Variants in HORMAD2 observed in about 807,000 individuals in gnomAD.
The protein encoded by HORMAD2 is HORMA domain-containing protein 2.
Under a neutral mutation model 38.8 loss-of-function variants are expected in HORMAD2, and 45 were observed. That is an observed-to-expected ratio of 1.16 (90% CI 0.91 to 1.49). HORMAD2 has a LOEUF of 1.49. Ranked by LOEUF, HORMAD2 falls within the 40% of genes most tolerant of loss-of-function variation. The pLI, the probability that HORMAD2 is intolerant of heterozygous loss-of-function variation, is 0.00. For missense variants in HORMAD2, 338 were observed against 367.0 expected (o/e 0.92, Z 0.65); for synonymous variants, 126 against 122.8 (o/e 1.03, Z -0.17).
chr22:30,162,587 T>A (rs1925515161), intron 10 of HORMAD2, among the ~76,000 whole-genome samples: 1 of 152,198 alleles, frequency 6.6e-6, no homozygotes, highest in South Asian at 2.1e-4. Flanking sequence ...TCTTACTTTT[T>A]AAAATATGGT....
Position 30,098,983 on chromosome 22 carries a change from C to T in HORMAD2, c.183C>T (p.Arg61=), listed in dbSNP as rs1255333085. 5 of 1,606,992 alleles carry T rather than the reference C, an allele frequency of 3.1e-6. No individual in the cohort carries two copies. The highest frequency in any genetic ancestry group is 4.2e-6 in the Non-Finnish European group (5 of 1,176,966). Residue 61 remains arginine (R), a synonymous_variant, in exon 3 of 11, where the codon CGC becomes CGT. Coordinates refer to ENST00000336726, the MANE Select transcript of HORMAD2 (RefSeq NM_152510.4). ...TTCCAGAGAGCTCTTATGGAGAACG[C>T]CATTTGGATGGTAAAGTTAAACTAA... is the stretch of plus-strand genomic sequence containing the variant. ...GLFPESSYGE[R]HLDDLSLKIL... is the part of the protein sequence containing the mutation.
chr22:30,161,187 G>A (rs1404209839), intron 10 of HORMAD2, among the ~76,000 whole-genome samples: 1 of 152,194 alleles, frequency 6.6e-6, no homozygotes, highest in African/African-American at 2.4e-5. Context: ...TGCACCAATA[G>A]AGATCTTCCA....
At chr22:30,160,232 C>T (rs1382995801) in intron 10 of HORMAD2, among the ~76,000 whole-genome samples, 1 of 151,684 alleles carries the variant, frequency 6.6e-6, no homozygotes, top group African/African-American at 2.4e-5. Flanking sequence ...GAATCTTCTG[C>T]TTGTCTGACC....
chr22:30,179,854 A>C (rs1926627425), downstream of HORMAD2, among the ~76,000 whole-genome samples: 1 of 152,112 alleles, frequency 6.6e-6, no homozygotes, highest in South Asian at 2.1e-4. Flanking sequence ...GTTATCCCAG[A>C]TCCTTTAGTA....
intron 10 of HORMAD2, among the ~76,000 whole-genome samples, chr22:30,134,416 T>TAAA (rs1923511344): frequency 6.8e-6 from 1 of 147,574 alleles, no homozygotes; most frequent in Admixed American, 6.8e-5. Flanking sequence ...AATATATATA[T>TAAA]TTATGATTAT....
intron 10 of HORMAD2, among the ~76,000 whole-genome samples, chr22:30,171,784 A>C (rs1341954927): frequency 2.0e-5 from 3 of 152,230 alleles, no homozygotes; most frequent in Non-Finnish European, 4.4e-5. Flanking sequence ...GGATGGAGAG[A>C]ATTTCTCTGA....
At chr22:30,166,164 A>G (rs1264598788) in intron 10 of HORMAD2, among the ~76,000 whole-genome samples, 1 of 152,050 alleles carries the variant, frequency 6.6e-6, no homozygotes, top group African/African-American at 2.4e-5. Context: ...TATTTGATGA[A>G]TTAATCTTGG....
chr22:30,201,679 A>G, the HORMAD2 span, among the ~76,000 whole-genome samples: 138,809 of 152,088 alleles, frequency 0.91, 63,431 homozygotes, highest in East Asian at 1. Flanking sequence ...GCCTCCCAAA[A>G]TGCTGGGATT....
At chr22:30,104,266 A>T (rs1403654443) in intron 4 of HORMAD2, 135 bp from the exon 5 acceptor site, 1 of 704,018 alleles carries the variant, frequency 1.4e-6, no homozygotes, top group Non-Finnish European at 2.5e-6. Context: ...GTTTAAAAAA[A>T]TGATTAAATG....
At chr22:30,160,922 A>G (rs1330635321) in intron 10 of HORMAD2, among the ~76,000 whole-genome samples, 1 of 152,230 alleles carries the variant, frequency 6.6e-6, no homozygotes, top group East Asian at 1.9e-4. Flanking sequence ...GTTTAGGTGC[A>G]TGCTCCTTAT....
chr22:30,165,743 T>G (rs996692018), intron 10 of HORMAD2, among the ~76,000 whole-genome samples: 1 of 152,132 alleles, frequency 6.6e-6, no homozygotes, highest in African/African-American at 2.4e-5. Flanking sequence ...ACCACCTGAA[T>G]AGTCTGCCAA....
At chr22:30,134,006 G>A (rs1290096259) in intron 10 of HORMAD2, among the ~76,000 whole-genome samples, 1 of 152,038 alleles carries the variant, frequency 6.6e-6, no homozygotes, top group Non-Finnish European at 1.5e-5. Context: ...TTTCTGCTTT[G>A]ATGACCAAAG....
At chr22:30,133,886 G>A (rs1054168156) in intron 10 of HORMAD2, among the ~76,000 whole-genome samples, 2 of 152,048 alleles carry the variant, frequency 1.3e-5, no homozygotes, top group African/African-American at 4.8e-5. Flanking sequence ...CTATCTGTAG[G>A]TGTGGAGTGT....
At chr22:30,134,427 A>C (rs935794572) in intron 10 of HORMAD2, among the ~76,000 whole-genome samples, 5 of 147,568 alleles carry the variant, frequency 3.4e-5, no homozygotes, top group Middle Eastern at 3.3e-3. Context: ...TTATGATTAT[A>C]CTTAAAGTAT....
chr22:30,170,538 G>C (rs1027434798), intron 10 of HORMAD2, among the ~76,000 whole-genome samples: 1 of 152,100 alleles, frequency 6.6e-6, no homozygotes, highest in African/African-American at 2.4e-5. Context: ...GAGTATGTTG[G>C]ATGCATAATA....
Position 30,111,825 on chromosome 22 carries a change from A to G in HORMAD2, c.315+9A>G, listed in dbSNP as rs562645204. 4.5e-4 allele frequency: 703 copies of G among 1,568,806 alleles called. 17 individuals carry two copies. The South Asian group carries it at 8.1e-3, about 18-fold the overall frequency. On this transcript the variant is annotated intron_variant, in intron 6 of 10. Transcript: ENST00000336726. ...GTATGGCAGTACTGACAGTAAGTAC[A>G]CACTCATTTAAAGACCAAGCCTCTG... is the stretch of plus-strand genomic sequence containing the variant.
intron 4 of HORMAD2, among the ~76,000 whole-genome samples, chr22:30,103,984 T>A (rs1033566385): frequency 6.6e-6 from 1 of 152,116 alleles, no homozygotes; most frequent in African/African-American, 2.4e-5. Flanking sequence ...TTTTTAAAAA[T>A]AATTTTCTAG....
At position 30,155,225 on chromosome 22, in the gene HORMAD2, G is replaced by GAA. The variant is rs553896849; in HGVS notation, c.820-20838_820-20837insAA. On this transcript the variant is annotated intron_variant, in intron 10 of 10. Coordinates refer to ENST00000336726, the MANE Select transcript of HORMAD2 (RefSeq NM_152510.4). ...CACTTGATTAAGGTGGTGTCTGCCA[G>GAA]CCTTCTCCACTGTAAAGTTATTTTC... Among the ~76,000 whole-genome samples the GAA allele has an allele frequency of 2.0e-4, 30 of 152,212 alleles. No homozygotes were observed. The East Asian group carries it at 5.6e-3, about 28-fold the overall frequency.
intron 10 of HORMAD2, among the ~76,000 whole-genome samples, chr22:30,130,149 C>T (rs911544601): frequency 1.3e-5 from 2 of 152,108 alleles, no homozygotes; most frequent in African/African-American, 4.8e-5. Flanking sequence ...AGGGATTTAA[C>T]ACAATCATCT....
Sources: allele counts gnomAD v4.1 joint callset (sites outside exome capture counted in the v4.1 genomes callset), GRCh38; gene constraint gnomAD v4.1.1; transcripts MANE v1.5; gene names NCBI Gene and HGNC (gene_info 2026-07-23, HGNC 2026-07-21).